The following CIMIP5 variants were observed in gnomAD, a reference collection of about 807,000 sequenced individuals.
CIMIP5 encodes uncharacterized protein C2orf50.
chr2:11,146,858 C>T, the CIMIP5 span: 1 of 152,250 alleles, frequency 6.6e-6, no homozygotes, highest in African/African-American at 2.4e-5. Context: ...TACAAAGATG[C>T]TGGAGGCTCC....
the CIMIP5 span, among the ~76,000 whole-genome samples, chr2:11,135,696 C>G: frequency 5.6e-4 from 82 of 146,036 alleles, 1 homozygote; most frequent in East Asian, 0.014. Flanking sequence ...GAGTCTCACT[C>G]TGTTGCCCAG....
the CIMIP5 span, among the ~76,000 whole-genome samples, chr2:11,153,797 G>A: frequency 5.5e-4 from 83 of 152,008 alleles, no homozygotes; most frequent in East Asian, 0.011. Flanking sequence ...GGTGGCACAT[G>A]CCTGTAATTC....
the CIMIP5 span, chr2:11,144,044 G>T: frequency 3.7e-6 from 6 of 1,604,608 alleles, no homozygotes; most frequent in African/African-American, 1.3e-5. Flanking sequence ...ACTCTCATCC[G>T]CATGGACTTC....
chr2:11,148,830 G>A, the CIMIP5 span, among the ~76,000 whole-genome samples: 1 of 145,970 alleles, frequency 6.9e-6, no homozygotes, highest in Non-Finnish European at 1.5e-5. Flanking sequence ...CGCCTCCTGG[G>A]TTCAAGCGAT....
the CIMIP5 span, chr2:11,133,696 G>C: frequency 6.8e-7 from 1 of 1,462,958 alleles, no homozygotes; most frequent in East Asian, 2.4e-5. Flanking sequence ...CTGGCTGAGG[G>C]ACAGAGGGCA....
chr2:11,150,227 C>A, the CIMIP5 span, among the ~76,000 whole-genome samples: 7 of 152,200 alleles, frequency 4.6e-5, no homozygotes, highest in Non-Finnish European at 1.0e-4. Context: ...GCGTGAGCCA[C>A]TGTGCCCAGC....
At chr2:11,135,576 G>A in the CIMIP5 span, among the ~76,000 whole-genome samples, 2 of 151,906 alleles carry the variant, frequency 1.3e-5, no homozygotes, top group South Asian at 4.2e-4. Flanking sequence ...GATTACAGGT[G>A]CCCTCCACCA....
chr2:11,143,785 C>T, the CIMIP5 span: 1 of 751,188 alleles, frequency 1.3e-6, no homozygotes. Flanking sequence ...TTGGGGGATC[C>T]CAAGTCCAAA....
the CIMIP5 span, chr2:11,144,344 G>T: frequency 3.0e-6 from 1 of 331,954 alleles, no homozygotes. Context: ...AGCCCTTCCA[G>T]CTTGGGAACT....
chr2:11,143,934 G>A, the CIMIP5 span: 1 of 1,592,906 alleles, frequency 6.3e-7, no homozygotes, highest in Non-Finnish European at 8.6e-7. Context: ...ACAAGAAGGA[G>A]CCTGAGAAGT....
At chr2:11,152,029 C>A in the CIMIP5 span, among the ~76,000 whole-genome samples, 1 of 152,126 alleles carries the variant, frequency 6.6e-6, no homozygotes, top group African/African-American at 2.4e-5. Context: ...ACACGGGGGT[C>A]GAAGTGAAGT....
the CIMIP5 span, chr2:11,133,456 G>A: frequency 6.2e-7 from 1 of 1,610,102 alleles, no homozygotes; most frequent in Admixed American, 1.7e-5. Flanking sequence ...GCCAGCAGGG[G>A]TCTTGCTGGT....
chr2:11,133,519 C>A, the CIMIP5 span: 1 of 1,608,412 alleles, frequency 6.2e-7, no homozygotes, highest in South Asian at 1.1e-5. Flanking sequence ...CAGGGAGCTG[C>A]CTGCGATGGC....
chr2:11,136,528 G>C, the CIMIP5 span, among the ~76,000 whole-genome samples: 3 of 152,118 alleles, frequency 2.0e-5, no homozygotes. Context: ...GGAGGTAGTT[G>C]AGTGTGAGAG....
chr2:11,150,384 G>A, the CIMIP5 span, among the ~76,000 whole-genome samples: 1 of 150,880 alleles, frequency 6.6e-6, no homozygotes, highest in African/African-American at 2.4e-5. Context: ...CCAGGCTGGA[G>A]TGCAGTGGTG....
At chr2:11,134,303 G>A in the CIMIP5 span, among the ~76,000 whole-genome samples, 1 of 152,152 alleles carries the variant, frequency 6.6e-6, no homozygotes, top group Non-Finnish European at 1.5e-5. Context: ...GGAGCAGCGG[G>A]GGCCACCCCA....
the CIMIP5 span, chr2:11,144,114 G>T: frequency 1.9e-6 from 3 of 1,572,740 alleles, no homozygotes; most frequent in Non-Finnish European, 1.7e-6. Context: ...CCATCTAGGA[G>T]CAAGGAGGGC....
At chr2:11,148,023 A>C in the CIMIP5 span, among the ~76,000 whole-genome samples, 3 of 152,164 alleles carry the variant, frequency 2.0e-5, no homozygotes, top group African/African-American at 7.2e-5. Flanking sequence ...AGAGATGGGC[A>C]CTTGGAGACC....
At chr2:11,134,919 C>G in the CIMIP5 span, among the ~76,000 whole-genome samples, 1 of 152,194 alleles carries the variant, frequency 6.6e-6, no homozygotes, top group Non-Finnish European at 1.5e-5. Context: ...CTGGAATCCA[C>G]TTGGCTTCTG....
Sources: gnomAD v4.1 joint callset for allele counts (sites outside exome capture counted in the v4.1 genomes callset) on GRCh38, gnomAD v4.1.1 for gene constraint, MANE v1.5 for transcripts, NCBI Gene and HGNC (gene_info 2026-07-23, HGNC 2026-07-21) for gene names.